Variants in STAU2 observed in about 807,000 individuals in gnomAD.
STAU2 encodes staufen double-stranded RNA binding protein 2.
STAU2 carries 20 observed loss-of-function variants against 65.9 expected under a neutral mutation model. That is an observed-to-expected ratio of 0.30 (90% CI 0.21 to 0.44). The LOEUF is 0.44. Ranked by LOEUF, STAU2 falls within the 20% of genes least tolerant of loss-of-function variation. STAU2 has a pLI of 1.00. For missense variants in STAU2, 558 were observed against 683.9 expected (o/e 0.82, Z 2.05); for synonymous variants, 232 against 233.9 (o/e 0.99, Z 0.07).
chr8:73,427,684 C>T (rs1816926711), intron 13 of STAU2, among the ~76,000 whole-genome samples: 2 of 152,230 alleles, frequency 1.3e-5, no homozygotes, highest in South Asian at 4.1e-4. Context: ...CACACATGCG[C>T]GTGGGGCGCT....
chr8:73,442,170 T>C (rs1056299761), intron 13 of STAU2, among the ~76,000 whole-genome samples: 26 of 151,892 alleles, frequency 1.7e-4, no homozygotes, highest in African/African-American at 6.0e-4. Flanking sequence ...CTGGCGAACA[T>C]GGTGAAACCC....
At chr8:73,698,317 T>C (rs1038188800) in intron 4 of STAU2, among the ~76,000 whole-genome samples, 3 of 151,906 alleles carry the variant, frequency 2.0e-5, no homozygotes, top group African/African-American at 7.3e-5. Context: ...TTAGCAATAA[T>C]AACACTGAAT....
At chr8:73,714,095 G>C (rs952382523) in intron 3 of STAU2, among the ~76,000 whole-genome samples, 6 of 151,980 alleles carry the variant, frequency 3.9e-5, no homozygotes, top group Non-Finnish European at 8.8e-5. Context: ...TAGAGACGGG[G>C]TTTCTCCATA....
chr8:73,741,809 G>A (rs1002101397), intron 1 of STAU2, among the ~76,000 whole-genome samples: 2 of 152,024 alleles, frequency 1.3e-5, no homozygotes, highest in African/African-American at 4.8e-5. Flanking sequence ...CACCACGCCC[G>A]GCCCGAAACT....
At chr8:73,737,045 T>C (rs913115855) in intron 3 of STAU2, among the ~76,000 whole-genome samples, 3 of 151,506 alleles carry the variant, frequency 2.0e-5, no homozygotes, top group African/African-American at 7.3e-5. Context: ...TTTTGTATTT[T>C]TAGTAAAGAT....
intron 13 of STAU2, among the ~76,000 whole-genome samples, chr8:73,449,250 C>T (rs537528636): frequency 6.6e-5 from 10 of 152,212 alleles, no homozygotes; most frequent in Admixed American, 2.6e-4. Flanking sequence ...TCTCCCTGGG[C>T]TCTGGAGGCC....
At chr8:73,467,545 T>TA (rs1353222694) in intron 13 of STAU2, among the ~76,000 whole-genome samples, 1 of 152,088 alleles carries the variant, frequency 6.6e-6, no homozygotes, top group Non-Finnish European at 1.5e-5. Context: ...AATAAATAAA[T>TA]AATTTAAAAA....
At position 73,603,774 on chromosome 8, in the gene STAU2, A is replaced by T; in HGVS notation, c.981T>A (p.Val327=). 1 of 1,611,942 alleles carries T rather than the reference A, an allele frequency of 6.2e-7. No individual in the cohort carries two copies. The change falls in exon 10 of 15, where the codon GTT becomes GTA. Residue 327 remains valine, a synonymous_variant. Coordinates refer to ENST00000524300, the MANE Select transcript of STAU2 (RefSeq NM_001164380.2). Reference sequence around the variant, plus strand: ...GAGGCATTCCTCTTTCTGAAAGCAAAACATAATCCGGCTCCTTTTCCTTTT... The same window carrying T: ...GAGGCATTCCTCTTTCTGAAAGCAATACATAATCCGGCTCCTTTTCCTTTT... ...QAKKEKEPDY[V]LLSERGMPRR...
chr8:73,481,966 T>C (rs1410486349), intron 13 of STAU2, among the ~76,000 whole-genome samples: 5 of 152,180 alleles, frequency 3.3e-5, no homozygotes, highest in Non-Finnish European at 2.9e-5. Context: ...TGTGTGTATA[T>C]AGTCTTTTGA....
chr8:73,699,814 T>C (rs1586300570), intron 4 of STAU2, among the ~76,000 whole-genome samples: 2 of 149,046 alleles, frequency 1.3e-5, no homozygotes, highest in African/African-American at 5.0e-5. Flanking sequence ...TCCAAACTCA[T>C]TCTGTGAGGC....
chr8:73,549,339 G>A (rs376827167), intron 13 of STAU2, among the ~76,000 whole-genome samples: 18 of 151,802 alleles, frequency 1.2e-4, no homozygotes, highest in African/African-American at 4.1e-4. Flanking sequence ...CAAAAGGTTC[G>A]ATTCTAAAAT....
intron 13 of STAU2, among the ~76,000 whole-genome samples, chr8:73,535,302 T>A (rs778288197): frequency 7.2e-5 from 11 of 152,106 alleles, no homozygotes; most frequent in Non-Finnish European, 1.3e-4. Context: ...CCCAAGTAAC[T>A]GGGACTACAG....
intron 13 of STAU2, among the ~76,000 whole-genome samples, chr8:73,529,909 C>T (rs373576515): frequency 6.6e-6 from 1 of 152,178 alleles, no homozygotes; most frequent in Non-Finnish European, 1.5e-5. Flanking sequence ...CCATATTTTC[C>T]AGGCTCCCTT....
intron 11 of STAU2, among the ~76,000 whole-genome samples, chr8:73,584,890 C>A (rs754258105): frequency 4.6e-5 from 7 of 152,172 alleles, no homozygotes; most frequent in Non-Finnish European, 8.8e-5. Context: ...TAATTATTCA[C>A]ATGAAAACCT....
At position 73,739,857 on chromosome 8, in the gene STAU2, G is replaced by T; in HGVS notation, c.-185C>A. ...TTAAAAAGTAAGCTAAAGTCCTTGT[G>T]GTAGGCAGCCTCTAACAAATAGAAT... On this transcript the variant is annotated 5_prime_UTR_variant, in exon 2 of 15. Transcript: ENST00000524300. 8.5e-7 allele frequency: 1 copy of T among 1,178,826 alleles called. No individual in the cohort carries two copies. The highest frequency in any genetic ancestry group is 1.2e-6 in the Non-Finnish European group (1 of 823,260). 73.0% of individuals were successfully genotyped at this position (1,178,826 alleles called of 1,614,324 possible).
Position 73,746,816 on chromosome 8 carries a change from A to G in STAU2, c.-230T>C. 1 of 1,228,592 alleles carries G rather than the reference A, an allele frequency of 8.1e-7. No individual in the cohort carries two copies. Among genetic ancestry groups the G allele is most frequent in the South Asian group, 4.1e-5 (1 of 24,332 alleles). 76.1% of individuals were successfully genotyped at this position (1,228,592 alleles called of 1,614,324 possible). ...CGGGGACACTTTGCAGACGGCTCCA[A>G]CATTGGCAAACACTACAGAGAACTG... On this transcript the variant is annotated 5_prime_UTR_variant, in exon 1 of 15. Transcript: ENST00000524300.
intron 6 of STAU2, among the ~76,000 whole-genome samples, chr8:73,650,888 A>G (rs1395546706): frequency 6.6e-6 from 1 of 152,240 alleles, no homozygotes; most frequent in Non-Finnish European, 1.5e-5. Context: ...AGAAAAATAT[A>G]TATGTAAGGA....
chr8:73,449,267 C>G (rs1339177724), intron 13 of STAU2, among the ~76,000 whole-genome samples: 1 of 152,208 alleles, frequency 6.6e-6, no homozygotes, highest in Non-Finnish European at 1.5e-5. Flanking sequence ...GGCCGGAAGT[C>G]CAAGAGCAGG....
At chr8:73,447,955 TG>T (rs1818567879) in intron 13 of STAU2, among the ~76,000 whole-genome samples, 1 of 152,168 alleles carries the variant, frequency 6.6e-6, no homozygotes, top group Admixed American at 6.5e-5. Context: ...GTGCACACAC[TG>T]GCTACGGCAT....
Sources: allele counts gnomAD v4.1 joint callset (sites outside exome capture counted in the v4.1 genomes callset), GRCh38; gene constraint gnomAD v4.1.1; transcripts MANE v1.5; gene names NCBI Gene and HGNC (gene_info 2026-07-23, HGNC 2026-07-21).